Variants in HMCN1 observed in about 807,000 individuals in gnomAD.
HMCN1 encodes hemicentin 1.
Under a neutral mutation model 625.9 loss-of-function variants are expected in HMCN1, and 321 were observed. The observed-to-expected ratio is 0.51, with a 90% CI of 0.47 to 0.56. HMCN1 has a LOEUF of 0.56. HMCN1 is among the 20% of genes least tolerant of loss of function. The probability of loss-of-function intolerance (pLI) is 0.00; values close to 1 mark genes in which losing one functional copy is unlikely to be tolerated. For missense variants in HMCN1, 6,588 were observed against 6,887.3 expected (o/e 0.96, Z 1.54); for synonymous variants, 2,425 against 2,417.6 (o/e 1.00, Z -0.09).
intron 1 of HMCN1, among the ~76,000 whole-genome samples, chr1:185,744,257 G>C (rs1654231681): frequency 6.6e-6 from 1 of 151,984 alleles, no homozygotes; most frequent in Non-Finnish European, 1.5e-5. Context: ...GCCTCCCAAA[G>C]TGCGGGATTA....
At chr1:185,991,970 T>C (rs188525691) in intron 22 of HMCN1, among the ~76,000 whole-genome samples, 2 of 152,280 alleles carry the variant, frequency 1.3e-5, no homozygotes, top group African/African-American at 4.8e-5. Context: ...TTTTTGCCAA[T>C]TGTTGGGTGT....
chr1:186,154,126 T>G (rs1327140453), intron 97 of HMCN1, 139 bp downstream of exon 97: 2 of 732,592 alleles, frequency 2.7e-6, no homozygotes, highest in Non-Finnish European at 4.7e-6. Flanking sequence ...TTTTGTTAAG[T>G]AAAGCCCTAT....
intron 1 of HMCN1, among the ~76,000 whole-genome samples, chr1:185,790,017 C>T (rs961517122): frequency 6.6e-6 from 1 of 152,212 alleles, no homozygotes; most frequent in Non-Finnish European, 1.5e-5. Context: ...GAGACACTCT[C>T]CTTCAATCAG....
At position 185,922,463 on chromosome 1, in the gene HMCN1, C is replaced by A; in HGVS notation, c.985C>A (p.Leu329Met). 1 of 1,613,640 alleles carries A rather than the reference C, an allele frequency of 6.2e-7. No homozygotes were observed. The highest frequency in any genetic ancestry group is 8.5e-7 in the Non-Finnish European group (1 of 1,179,756). Residue 329 changes from leucine to methionine, a missense_variant, in exon 7 of 107, where the codon CTG (leucine) becomes ATG (methionine). This residue lies in a region of HMCN1 where 4,628 missense variants were observed against 4,853.1 expected (regional missense o/e 0.95). Coordinates refer to ENST00000271588, the MANE Select transcript of HMCN1 (RefSeq NM_031935.3). ...FRAGFSRKPT[L>M]DFKKTVSRPV... ...AGCTGGCTTTTCTCGAAAGCCCACC[C>A]TGGACTTCAAAAAAACAGTCAGCAG...
chr1:186,114,812 C>T lies in HMCN1; in HGVS notation c.11277-7C>T, dbSNP rs1661050110. ...TCAGAAGACTTCACTTGTGATTTCT[C>T]TTGTAGATATTCCATCTTGGAAAAT... On this transcript the variant is annotated splice_polypyrimidine_tract_variant and splice_region_variant and intron_variant, in intron 73 of 106. Transcript: ENST00000271588. The T allele has an allele frequency of 2.5e-6, 4 of 1,614,046 alleles. No individual in the cohort carries two copies. The highest frequency in any genetic ancestry group is 1.7e-5 in the Admixed American group (1 of 60,024).
chr1:185,807,561 A>G (rs1468016097), intron 1 of HMCN1, among the ~76,000 whole-genome samples: 3 of 152,200 alleles, frequency 2.0e-5, no homozygotes, highest in African/African-American at 7.2e-5. Flanking sequence ...ATTCATGCAT[A>G]CATATTTGAA....
intron 6 of HMCN1, among the ~76,000 whole-genome samples, chr1:185,921,421 G>A (rs1430517388): frequency 2.0e-5 from 3 of 152,122 alleles, no homozygotes; most frequent in African/African-American, 7.2e-5. Flanking sequence ...AGTTTGCACA[G>A]CTCTGGAAGT....
intron 1 of HMCN1, among the ~76,000 whole-genome samples, chr1:185,778,037 T>G (rs1656747916): frequency 6.6e-6 from 1 of 152,220 alleles, no homozygotes; most frequent in Non-Finnish European, 1.5e-5. Flanking sequence ...GGGCTAGGGT[T>G]TCCTCCCCTA....
intron 15 of HMCN1, among the ~76,000 whole-genome samples, chr1:185,977,045 T>C (rs1266496165): frequency 6.6e-6 from 1 of 152,100 alleles, no homozygotes; most frequent in Non-Finnish European, 1.5e-5. Context: ...TCTGATGTAT[T>C]TCTATGTCTT....
intron 14 of HMCN1, among the ~76,000 whole-genome samples, chr1:185,968,116 G>A (rs1220721503): frequency 6.6e-6 from 1 of 152,016 alleles, no homozygotes; most frequent in Non-Finnish European, 1.5e-5. Context: ...GACTCTAGGG[G>A]TTCCCACAAT....
At chr1:186,101,526 A>C (rs918541652) in intron 68 of HMCN1, among the ~76,000 whole-genome samples, 1 of 152,128 alleles carries the variant, frequency 6.6e-6, no homozygotes, top group African/African-American at 2.4e-5. Context: ...CTAGGCTGGA[A>C]ATATAAATTC....
intron 1 of HMCN1, among the ~76,000 whole-genome samples, chr1:185,752,945 G>A (rs1022097275): frequency 1.3e-5 from 2 of 151,956 alleles, no homozygotes; most frequent in African/African-American, 2.4e-5. Context: ...ATCAATGTTA[G>A]CAAACCAATC....
At chr1:186,063,139 T>G (rs573996825) in intron 48 of HMCN1, among the ~76,000 whole-genome samples, 1 of 134,446 alleles carries the variant, frequency 7.4e-6, no homozygotes, top group Non-Finnish European at 1.6e-5. Context: ...TAATGGACAC[T>G]TAGGTTGATT....
chr1:186,074,903 T>A lies in HMCN1; in HGVS notation c.8290+12T>A. ...TGTGAATATTCAAGGTAATACTAATTGCTTATTGTATATAATGTAATTTAT... is the reference window on the plus strand; with the variant it reads ...TGTGAATATTCAAGGTAATACTAATAGCTTATTGTATATAATGTAATTTAT... On this transcript the variant is annotated intron_variant, in intron 53 of 106. Coordinates refer to ENST00000271588, the MANE Select transcript of HMCN1 (RefSeq NM_031935.3). 6.3e-7 allele frequency: 1 copy of A among 1,584,498 alleles called. No individual in the cohort carries two copies. Among genetic ancestry groups the A allele is most frequent in the Non-Finnish European group, 8.7e-7 (1 of 1,153,604 alleles).
In HMCN1 at chr1:185,920,368, T is replaced by G. The variant is rs1453193302; in HGVS notation, c.901-2011T>G. Among the ~76,000 whole-genome samples, 3 of 152,172 alleles carry G rather than the reference T, an allele frequency of 2.0e-5. No homozygotes were observed. The East Asian group carries it at 5.8e-4, about 29-fold the overall frequency. On this transcript the variant is annotated intron_variant, in intron 6 of 106. Coordinates refer to ENST00000271588, the MANE Select transcript of HMCN1 (RefSeq NM_031935.3). ...GAAGATATCTTTTATTTACAAACAC[T>G]TAAATTCATCAAAGACATTCCTACT...
chr1:186,171,799 A>C (rs1481837114), intron 101 of HMCN1, among the ~76,000 whole-genome samples: 1 of 152,132 alleles, frequency 6.6e-6, no homozygotes, highest in Non-Finnish European at 1.5e-5. Context: ...CTGCTCTGTA[A>C]AACAATATTT....
rs1653594650 is a variant in HMCN1, at chr1:186,189,713, C to T, written c.16743C>T (p.Ala5581=). 1.2e-6 allele frequency: 2 copies of T among 1,613,424 alleles called. No homozygotes were observed. The highest frequency in any genetic ancestry group is 1.7e-6 in the Non-Finnish European group (2 of 1,179,584). Residue 5581 remains alanine, a synonymous_variant, in exon 107 of 107, where the codon GCC becomes GCT. Coordinates refer to ENST00000271588, the MANE Select transcript of HMCN1 (RefSeq NM_031935.3). The part of the protein sequence containing the change: ...MVDEEQTVPF[A]LRDENLKGVV... ...ATGAGGAACAGACTGTTCCTTTTGCCTTGAGGGATGAAAACCTGAAAGGAG... is the reference window on the plus strand; with the variant it reads ...ATGAGGAACAGACTGTTCCTTTTGCTTTGAGGGATGAAAACCTGAAAGGAG...
intron 1 of HMCN1, among the ~76,000 whole-genome samples, chr1:185,758,353 A>G (rs1366265500): frequency 2.6e-5 from 4 of 152,078 alleles, no homozygotes; most frequent in Non-Finnish European, 5.9e-5. Context: ...AACCTCTTCC[A>G]GGCCAGGTGT....
At chr1:185,882,436 A>G (rs556111198) in intron 4 of HMCN1, among the ~76,000 whole-genome samples, 54 of 151,876 alleles carry the variant, frequency 3.6e-4, no homozygotes, top group African/African-American at 1.3e-3. Context: ...TGTTTAGGGT[A>G]GATCTTGGAA....
Sources: allele counts gnomAD v4.1 joint callset (sites outside exome capture counted in the v4.1 genomes callset), GRCh38; gene constraint gnomAD v4.1.1; regional missense constraint gnomAD v4.1.1; transcripts MANE v1.5; gene names NCBI Gene and HGNC (gene_info 2026-07-23, HGNC 2026-07-21).